Variants in PPFIBP1 observed in about 807,000 individuals in gnomAD.
PPFIBP1 encodes liprin-beta-1.
A neutral mutation model predicts 137.8 loss-of-function variants in PPFIBP1; 112 were observed. That is an observed-to-expected ratio of 0.81 (90% CI 0.70 to 0.95). PPFIBP1 has a LOEUF of 0.95. Ranked by LOEUF, PPFIBP1 falls within the 40% of genes least tolerant of loss-of-function variation. The pLI, the probability that PPFIBP1 is intolerant of heterozygous loss-of-function variation, is 0.00. For synonymous variants in PPFIBP1, 378 were observed against 417.3 expected, an observed-to-expected ratio of 0.91 and a Z score of 1.15; for missense variants, 1,083 against 1,196.6, an observed-to-expected ratio of 0.91 and a Z score of 1.40.
chr12:27,653,334 C>T (rs2058990819), intron 7 of PPFIBP1, among the ~76,000 whole-genome samples: 1 of 151,850 alleles, frequency 6.6e-6, no homozygotes, highest in Non-Finnish European at 1.5e-5. Flanking sequence ...ATCTGTAATC[C>T]CAACACTTAG....
chr12:27,579,587 A>G (rs2050886734), intron 2 of PPFIBP1, among the ~76,000 whole-genome samples: 1 of 152,192 alleles, frequency 6.6e-6, no homozygotes, highest in South Asian at 2.1e-4. Context: ...TATTATGTAC[A>G]ATATTTTTTG....
intron 6 of PPFIBP1, 137 bp downstream of exon 6, chr12:27,647,979 T>C (rs2058644134): frequency 8.7e-7 from 1 of 1,150,652 alleles, no homozygotes; most frequent in Non-Finnish European, 1.1e-6. Context: ...AAAAAAAAAT[T>C]GAGAGTAGTA....
At chr12:27,619,712 C>T (rs2056142716) in intron 2 of PPFIBP1, among the ~76,000 whole-genome samples, 1 of 152,134 alleles carries the variant, frequency 6.6e-6, no homozygotes, top group African/African-American at 2.4e-5. Context: ...CAAAAATATA[C>T]ACAGGGCAAT....
intron 2 of PPFIBP1, among the ~76,000 whole-genome samples, chr12:27,584,942 A>G (rs1446735637): frequency 6.6e-6 from 1 of 152,206 alleles, no homozygotes; most frequent in Admixed American, 6.5e-5. Context: ...CTGATGGCCC[A>G]CTGTAGGGCA....
intron 23 of PPFIBP1, 39 bp from the exon 24 acceptor site, chr12:27,682,575 GT>G: frequency 4.3e-6 from 7 of 1,610,862 alleles, no homozygotes; most frequent in Non-Finnish European, 5.9e-6. Context: ...AAGAACAGAT[GT>G]TTTGTGGCAT....
At chr12:27,668,802 A>G (rs74074095) in intron 13 of PPFIBP1, among the ~76,000 whole-genome samples, 282 of 152,284 alleles carry the variant, frequency 1.9e-3, no homozygotes, top group African/African-American at 6.5e-3. Flanking sequence ...AGGTTCAATG[A>G]GACCGCACTA....
chr12:27,641,416 C>G (rs1354441415), intron 4 of PPFIBP1, among the ~76,000 whole-genome samples: 1 of 152,092 alleles, frequency 6.6e-6, no homozygotes, highest in Non-Finnish European at 1.5e-5. Flanking sequence ...AAGGAAAACA[C>G]AGCATGATGT....
intron 2 of PPFIBP1, among the ~76,000 whole-genome samples, chr12:27,622,766 T>C (rs2056454756): frequency 6.6e-6 from 1 of 152,218 alleles, no homozygotes; most frequent in Non-Finnish European, 1.5e-5. Context: ...TTGTTGCAGG[T>C]ATGTGTGTGT....
chr12:27,550,031 G>A (rs1464250024), intron 1 of PPFIBP1, among the ~76,000 whole-genome samples: 3 of 152,232 alleles, frequency 2.0e-5, no homozygotes, highest in Non-Finnish European at 4.4e-5. Flanking sequence ...TCAGAAAAAT[G>A]GCTTATTGTG....
chr12:27,612,596 G>A lies in PPFIBP1; in HGVS notation c.-35-20766G>A, dbSNP rs188718879. The stretch of plus-strand genomic sequence containing the variant: ...ACTCCTGGGCTTAAGCGAGCCTCCC[G>A]TCTCAGCCTCCGAAAGTGCTGGAAT... On this transcript the variant is annotated intron_variant, in intron 2 of 29. Coordinates refer to ENST00000228425, the MANE Select transcript of PPFIBP1 (RefSeq NM_003622.4). Among the ~76,000 whole-genome samples, 41 of 152,036 alleles carry A rather than the reference G, an allele frequency of 2.7e-4. No individual in the cohort carries two copies. The East Asian group carries it at 6.6e-3, about 24-fold the overall frequency.
intron 2 of PPFIBP1, among the ~76,000 whole-genome samples, chr12:27,622,680 C>T (rs1403631015): frequency 2.6e-5 from 4 of 152,232 alleles, no homozygotes; most frequent in African/African-American, 9.6e-5. Flanking sequence ...CCCCTAAGGG[C>T]AGAGCTTCGC....
At chr12:27,535,211 T>C (rs1258158315) in intron 1 of PPFIBP1, among the ~76,000 whole-genome samples, 1 of 152,196 alleles carries the variant, frequency 6.6e-6, no homozygotes, top group African/African-American at 2.4e-5. Flanking sequence ...ATGAAGCTTC[T>C]TTCCTTTCTC....
intron 2 of PPFIBP1, among the ~76,000 whole-genome samples, chr12:27,623,027 C>CT (rs1162738916): frequency 7.2e-5 from 11 of 152,162 alleles, no homozygotes; most frequent in Non-Finnish European, 1.5e-4. Flanking sequence ...CTGTTGCTCA[C>CT]TCCTGTCTTC....
intron 12 of PPFIBP1, 76 bp from the exon 13 acceptor site, chr12:27,667,090 G>T: frequency 1.5e-6 from 2 of 1,356,716 alleles, no homozygotes; most frequent in Non-Finnish European, 1.9e-6. Context: ...TTATAATTGG[G>T]ATTCTTATCT....
chr12:27,603,869 A>T (rs183477153), intron 2 of PPFIBP1, among the ~76,000 whole-genome samples: 5 of 152,318 alleles, frequency 3.3e-5, no homozygotes, highest in Middle Eastern at 3.4e-3. Context: ...AATTGGGTAG[A>T]CAACCCCCTT....
intron 2 of PPFIBP1, among the ~76,000 whole-genome samples, chr12:27,614,829 A>AT (rs1361486203): frequency 6.6e-6 from 1 of 152,246 alleles, no homozygotes; most frequent in African/African-American, 2.4e-5. Context: ...TTATATTGAA[A>AT]TAAATGTTAG....
At chr12:27,611,791 TC>T (rs2055144609) in intron 2 of PPFIBP1, among the ~76,000 whole-genome samples, 4 of 148,536 alleles carry the variant, frequency 2.7e-5, no homozygotes, top group East Asian at 2.0e-4. Flanking sequence ...CTGTGCTCTC[TC>T]TCTCTCTCTC....
chr12:27,598,422 C>G (rs1449346361), intron 2 of PPFIBP1, among the ~76,000 whole-genome samples: 1 of 152,174 alleles, frequency 6.6e-6, no homozygotes, highest in East Asian at 1.9e-4. Context: ...ACCCACCCCC[C>G]ATGATTCAAT....
chr12:27,622,867 A>G (rs2056464477), intron 2 of PPFIBP1, among the ~76,000 whole-genome samples: 5 of 152,250 alleles, frequency 3.3e-5, no homozygotes, highest in Admixed American at 2.0e-4. Context: ...TTGTCTATTT[A>G]ATAAAAAGAA....
Sources: gnomAD v4.1 joint callset for allele counts (sites outside exome capture counted in the v4.1 genomes callset) on GRCh38, gnomAD v4.1.1 for gene constraint, MANE v1.5 for transcripts, NCBI Gene and HGNC (gene_info 2026-07-23, HGNC 2026-07-21) for gene names.